MED13: variants seen among roughly 807,000 people sequenced by gnomAD.
The protein encoded by MED13 is mediator of RNA polymerase II transcription subunit 13.
A neutral mutation model predicts 225.2 loss-of-function variants in MED13; 23 were observed. That is an observed-to-expected ratio of 0.10 (90% CI 0.07 to 0.14). The LOEUF (loss-of-function observed/expected upper bound fraction) is 0.14, where lower values mean the gene tolerates loss of function less well. MED13 is among the 10% of genes least tolerant of loss of function. The probability of loss-of-function intolerance (pLI) is 1.00; values close to 1 mark genes in which losing one functional copy is unlikely to be tolerated. For missense variants in MED13, 2,197 were observed against 2,594.5 expected (o/e 0.85, Z 3.33); for synonymous variants, 942 against 889.2 (o/e 1.06, Z -1.06).
chr17:61,956,323 A>G lies in MED13; in HGVS notation c.5623+16T>C. On this transcript the variant is annotated intron_variant, in intron 24 of 29. Transcript: ENST00000397786. ...ATAAAACGGAAATATAAATACTAAT[A>G]AAAGCACAATTTTACCTTTCAATTC... is the stretch of plus-strand genomic sequence containing the variant. 1 of 1,603,418 alleles carries G rather than the reference A, an allele frequency of 6.2e-7. No homozygotes were observed. Among genetic ancestry groups the G allele is most frequent in the Non-Finnish European group, 8.5e-7 (1 of 1,176,426 alleles).
In MED13 at chr17:61,984,338, A is replaced by C. The variant is rs1238350613; in HGVS notation, c.2721T>G (p.Asn907Lys). ...KDFSYVYKPE[N>K]CQILVGCSMF... ...TGGAACATCCCACTAGAATTTGACA[A>C]TTTTCAGGCTTATAGACATAAGAAA... is the stretch of plus-strand genomic sequence containing the variant. The change falls in exon 15 of 30, where the codon AAT (asparagine) becomes AAG (lysine). Residue 907 changes from asparagine (N) to lysine (K), a missense_variant. This residue lies in a region of MED13 where 160 missense variants were observed against 184.8 expected (regional missense o/e 0.87). Transcript: ENST00000397786. 9 of 1,596,970 alleles carry C rather than the reference A, an allele frequency of 5.6e-6. No homozygotes were observed. Among genetic ancestry groups the C allele is most frequent in the Non-Finnish European group, 7.7e-6 (9 of 1,174,314 alleles).
chr17:61,952,926 C>A (rs1379926751), intron 27 of MED13, 39 bp downstream of exon 27: 5 of 1,595,694 alleles, frequency 3.1e-6, no homozygotes, highest in Non-Finnish European at 4.3e-6. Context: ...TAAGCCACTG[C>A]GCCCGGCCGA....
At chr17:62,041,763 T>G (rs1319090572) in intron 3 of MED13, among the ~76,000 whole-genome samples, 1 of 152,108 alleles carries the variant, frequency 6.6e-6, no homozygotes, top group Non-Finnish European at 1.5e-5. Flanking sequence ...ATTTATTTTT[T>G]GTAGAGATGA....
rs138682436 is a variant in MED13, at chr17:61,968,412, G to GCC, written c.3968-156_3968-155dup. 2.6e-3 allele frequency among the ~76,000 whole-genome samples: 403 copies of GCC among 152,182 alleles called. 2 individuals carry two copies. Among genetic ancestry groups the GCC allele is most frequent in the African/African-American group, 9.4e-3 (389 of 41,544 alleles). ...GCCATCTCGGCTCACTGCAAGCTCC[G>GCC]CCTCCCGCGTTCACGCCATTTTCCT... On this transcript the variant is annotated intron_variant, in intron 17 of 29. Coordinates refer to ENST00000397786, the MANE Select transcript of MED13 (RefSeq NM_005121.3).
chr17:62,056,114 C>T (rs745844792), intron 2 of MED13, among the ~76,000 whole-genome samples: 11 of 152,280 alleles, frequency 7.2e-5, no homozygotes, highest in Non-Finnish European at 1.3e-4. Flanking sequence ...CTGAGAAAAA[C>T]GAGAGTAAGT....
At position 61,943,608 on chromosome 17, in the gene MED13, C is replaced by A. The variant is rs2079830988; in HGVS notation, c.*2860G>T. ...GTTTAGAAATATTTAAAAATTACAGCTACTTTAAAATTTAAGGATTACATA... is the reference window on the plus strand; with the variant it reads ...GTTTAGAAATATTTAAAAATTACAGATACTTTAAAATTTAAGGATTACATA... On this transcript the variant is annotated 3_prime_UTR_variant, in exon 30 of 30. Coordinates refer to ENST00000397786, the MANE Select transcript of MED13 (RefSeq NM_005121.3). The A allele has an allele frequency of 6.6e-6, 1 of 152,508 alleles. No individual in the cohort carries two copies. Among genetic ancestry groups the A allele is most frequent in the Non-Finnish European group, 1.5e-5 (1 of 67,978 alleles). 9.4% of individuals were successfully genotyped at this position (152,508 alleles called of 1,614,324 possible). A position where few individuals can be genotyped will look rare whatever the true frequency, so the allele number is the denominator to read the frequency against.
chr17:61,990,627 GTATAT>G (rs2080288827), intron 11 of MED13, among the ~76,000 whole-genome samples: 1 of 139,004 alleles, frequency 7.2e-6, no homozygotes, highest in African/African-American at 2.8e-5. Flanking sequence ...GGCGCACTGT[GTATAT>G]ATATATATAT....
At chr17:62,056,378 AAGG>A (rs892974342) in intron 2 of MED13, among the ~76,000 whole-genome samples, 5 of 152,180 alleles carry the variant, frequency 3.3e-5, no homozygotes, top group African/African-American at 7.2e-5. Context: ...TAGGGAGGGG[AAGG>A]AGAAGGGAAC....
At chr17:61,956,989 A>AT (rs1004959930) in intron 23 of MED13, among the ~76,000 whole-genome samples, 1 of 152,176 alleles carries the variant, frequency 6.6e-6, no homozygotes, top group African/African-American at 2.4e-5. Flanking sequence ...TAATATATAA[A>AT]TTTTTAAAAA....
chr17:62,026,562 T>A (rs1466507736), intron 8 of MED13, among the ~76,000 whole-genome samples: 1 of 149,186 alleles, frequency 6.7e-6, no homozygotes, highest in African/African-American at 2.5e-5. Flanking sequence ...TCACTCCTAT[T>A]CAAAATAGTA....
intron 19 of MED13, among the ~76,000 whole-genome samples, chr17:61,965,826 C>T (rs2080053000): frequency 6.6e-6 from 1 of 152,044 alleles, no homozygotes; most frequent in Non-Finnish European, 1.5e-5. Flanking sequence ...TAAATATTGA[C>T]TACATTGACA....
At chr17:62,000,987 C>A (rs1326742010) in intron 9 of MED13, among the ~76,000 whole-genome samples, 2 of 152,168 alleles carry the variant, frequency 1.3e-5, no homozygotes, top group Non-Finnish European at 2.9e-5. Context: ...TGGTCTCAAA[C>A]TCCTGACCTC....
chr17:61,986,951 AAAT>A lies in MED13; in HGVS notation c.2385+53_2385+55del, dbSNP rs146163952. 10,396 of 1,257,566 alleles carry A rather than the reference AAAT, an allele frequency of 8.3e-3. 68 individuals carry two copies. Among genetic ancestry groups the A allele is most frequent in the Middle Eastern group, 0.012 (58 of 4,952 alleles). 77.9% of individuals were successfully genotyped at this position (1,257,566 alleles called of 1,614,324 possible). ...CACAAATCACTTCTAAAAAATAAAA[AAAT>A]AATAAAATCAAGGAAAACAAATTAT... On this transcript the variant is annotated intron_variant, in intron 12 of 29. Coordinates refer to ENST00000397786, the MANE Select transcript of MED13 (RefSeq NM_005121.3).
At chr17:61,988,148 A>G (rs1201224437) in intron 11 of MED13, among the ~76,000 whole-genome samples, 1 of 152,174 alleles carries the variant, frequency 6.6e-6, no homozygotes, top group African/African-American at 2.4e-5. Flanking sequence ...CACCACTAAC[A>G]GTATGACCCT....
chr17:61,995,443 G>A (rs1794538777), intron 9 of MED13, 78 bp from the exon 10 acceptor site: 6 of 966,112 alleles, frequency 6.2e-6, no homozygotes, highest in Non-Finnish European at 8.9e-6. Context: ...GTATCATAAT[G>A]TTTTTAGAAT....
chr17:61,963,318 C>A (rs1239504562), intron 20 of MED13, among the ~76,000 whole-genome samples: 1 of 146,580 alleles, frequency 6.8e-6, no homozygotes, highest in Non-Finnish European at 1.5e-5. Flanking sequence ...AAAACTGAGA[C>A]AAAGATAGGT....
At chr17:61,995,547 A>C (rs2080339977) in intron 9 of MED13, among the ~76,000 whole-genome samples, 182 bp from the exon 10 acceptor site, 1 of 152,252 alleles carries the variant, frequency 6.6e-6, no homozygotes, top group Non-Finnish European at 1.5e-5. Flanking sequence ...ATTTAGCCAT[A>C]GAGAAATGGG....
chr17:62,037,635 C>A (rs1603406764), intron 3 of MED13, among the ~76,000 whole-genome samples: 1 of 144,004 alleles, frequency 6.9e-6, no homozygotes, highest in African/African-American at 2.6e-5. Flanking sequence ...CCACTGCACT[C>A]CAGCCTGGGT....
In MED13 at chr17:62,011,243, G is replaced by T; in HGVS notation, c.1284-10C>A. On this transcript the variant is annotated splice_polypyrimidine_tract_variant and intron_variant, in intron 8 of 29. Coordinates refer to ENST00000397786, the MANE Select transcript of MED13 (RefSeq NM_005121.3). ...CTTGAGATTTTTGTGCCTGAAAAGT[G>T]AAAATAAAGGTTTCATATTTACAGT... 1 of 1,598,866 alleles carries T rather than the reference G, an allele frequency of 6.3e-7. No homozygotes were observed. The highest frequency in any genetic ancestry group is 1.1e-5 in the South Asian group (1 of 88,524).
Sources: allele counts gnomAD v4.1 joint callset (sites outside exome capture counted in the v4.1 genomes callset), GRCh38; gene constraint gnomAD v4.1.1; regional missense constraint gnomAD v4.1.1; transcripts MANE v1.5; gene names NCBI Gene and HGNC (gene_info 2026-07-23, HGNC 2026-07-21).